Variants in ARHGEF16 observed in about 807,000 individuals in gnomAD.
The protein encoded by ARHGEF16 is Rho guanine nucleotide exchange factor 16, also known as Rho guanine exchange factor (GEF) 16.
Under a neutral mutation model 74.1 loss-of-function variants are expected in ARHGEF16, and 59 were observed. The observed-to-expected ratio is 0.80, with a 90% CI of 0.65 to 0.99. The LOEUF is 0.99. ARHGEF16 is among the 50% of genes least tolerant of loss of function. ARHGEF16 has a pLI of 0.00. For synonymous variants in ARHGEF16, 415 were observed against 412.6 expected, an observed-to-expected ratio of 1.01 and a Z score of -0.07; for missense variants, 948 against 986.6, an observed-to-expected ratio of 0.96 and a Z score of 0.52.
Position 3,467,241 on chromosome 1 carries a change from T to C in ARHGEF16, c.708T>C (p.Asp236=), listed in dbSNP as rs1041425885. ...TSQESDDDIL[D]ESSSPEGTQK... is the part of the protein sequence containing the mutation. ...AGGAGTCTGATGACGACATCCTCGA[T>C]GAGTCCTCCAGCCCCGAGGGAACCC... Residue 236 remains aspartate, a synonymous_variant, in exon 4 of 15, where the codon GAT becomes GAC. Coordinates refer to ENST00000378378, the MANE Select transcript of ARHGEF16 (RefSeq NM_014448.4). The C allele has an allele frequency of 4.3e-5, 66 of 1,550,404 alleles. No individual in the cohort carries two copies. The East Asian group carries it at 1.6e-3, about 37-fold the overall frequency.
At chr1:3,471,636 C>G in intron 6 of ARHGEF16, 1 of 1,191,478 alleles carries the variant, frequency 8.4e-7, no homozygotes, top group Non-Finnish European at 1.1e-6. Context: ...GTCCTCCGGT[C>G]CCCTCTGCCT....
At position 3,473,528 on chromosome 1, in the gene ARHGEF16, T is replaced by C. The variant is rs1318596554; in HGVS notation, c.1305+6T>C. Reference sequence around the variant, plus strand: ...GGCTGCCCCTCCTGATGGATGTAAGTCCACGGCCTGAGGGTGGGGCCGGGC... The same window carrying C: ...GGCTGCCCCTCCTGATGGATGTAAGCCCACGGCCTGAGGGTGGGGCCGGGC... On this transcript the variant is annotated splice_donor_region_variant and intron_variant, in intron 8 of 14. Transcript: ENST00000378378. 6.2e-7 allele frequency: 1 copy of C among 1,606,320 alleles called. No homozygotes were observed. The highest frequency in any genetic ancestry group is 1.7e-5 in the Admixed American group (1 of 60,016).
At chr1:3,472,283 C>T (rs945594607) in intron 6 of ARHGEF16, among the ~76,000 whole-genome samples, 6 of 152,244 alleles carry the variant, frequency 3.9e-5, no homozygotes, top group East Asian at 1.9e-4. Context: ...CCTTGGTGGC[C>T]GTGGCCGCCC....
In ARHGEF16 at chr1:3,473,483, C is replaced by T. The variant is rs765120332; in HGVS notation, c.1266C>T (p.Leu422=). The change falls in exon 8 of 15, where the codon CTC becomes CTT. Residue 422 remains leucine (L), a synonymous_variant. Coordinates refer to ENST00000378378, the MANE Select transcript of ARHGEF16 (RefSeq NM_014448.4). ...GGLPMLSFLI[L]PMQRVTRLPL... ...TGCCCATGCTCTCCTTCCTGATCCT[C>T]CCCATGCAGCGGGTGACCCGGCTGC... 6.2e-7 allele frequency: 1 copy of T among 1,612,004 alleles called. No individual in the cohort carries two copies. The highest frequency in any genetic ancestry group is 8.5e-7 in the Non-Finnish European group (1 of 1,180,012).
chr1:3,461,457 C>T (rs1639392607), intron 1 of ARHGEF16, among the ~76,000 whole-genome samples: 1 of 152,220 alleles, frequency 6.6e-6, no homozygotes, highest in Non-Finnish European at 1.5e-5. Context: ...GTCACTTGCT[C>T]ATTGACCACA....
chr1:3,459,398 G>A (rs1244767793), intron 1 of ARHGEF16, among the ~76,000 whole-genome samples: 2 of 152,152 alleles, frequency 1.3e-5, no homozygotes, highest in East Asian at 3.9e-4. Context: ...TCTACAGTGG[G>A]AATGCTCATC....
At chr1:3,472,004 ACT>A (rs964016577) in intron 6 of ARHGEF16, among the ~76,000 whole-genome samples, 4 of 151,776 alleles carry the variant, frequency 2.6e-5, no homozygotes, top group South Asian at 2.1e-4. Context: ...CTGTCAGGAC[ACT>A]CTCCCTGCAG....
In ARHGEF16 at chr1:3,463,171, G is replaced by C; in HGVS notation, c.87G>C (p.Gly29=). 2.0e-6 allele frequency: 3 copies of C among 1,522,948 alleles called. No homozygotes were observed. The highest frequency in any genetic ancestry group is 2.7e-6 in the Non-Finnish European group (3 of 1,129,854). The allele number at this position is 1,522,948 out of a possible 1,614,324, so 94.3% of individuals were successfully genotyped here. A position where few individuals can be genotyped will look rare whatever the true frequency, so the allele number is the denominator to read the frequency against. The change falls in exon 2 of 15, where the codon GGG becomes GGC. Residue 29 remains glycine (G), a synonymous_variant. Transcript: ENST00000378378. The part of the protein sequence containing the change: ...FHSELRLDAG[G]NPASGLPMVR... Reference sequence around the variant, plus strand: ...CGGAGCTCCGGCTCGATGCCGGGGGGAACCCAGCCTCCGGGCTCCCAATGG... The same window carrying C: ...CGGAGCTCCGGCTCGATGCCGGGGGCAACCCAGCCTCCGGGCTCCCAATGG...
intron 1 of ARHGEF16, among the ~76,000 whole-genome samples, chr1:3,462,080 G>A (rs2100734748): frequency 6.6e-6 from 1 of 152,178 alleles, no homozygotes; most frequent in African/African-American, 2.4e-5. Flanking sequence ...CTGCCAGGAG[G>A]GGCGGGCAGG....
chr1:3,473,914 GAGAGGGGCTC>G, intron 8 of ARHGEF16: 1 of 307,654 alleles, frequency 3.3e-6, no homozygotes, highest in Non-Finnish European at 6.2e-6. Flanking sequence ...TGTGGACGCA[GAGAGGGGCTC>G]AGAGAGGCTC....
intron 2 of ARHGEF16, among the ~76,000 whole-genome samples, chr1:3,464,480 C>T (rs1172880878): frequency 6.6e-6 from 1 of 152,186 alleles, no homozygotes; most frequent in East Asian, 1.9e-4. Context: ...GGTCTGGGCT[C>T]AGGCAGGGCT....
intron 10 of ARHGEF16, 107 bp from the exon 11 acceptor site, chr1:3,477,768 T>C (rs752602093): frequency 9.8e-5 from 104 of 1,058,044 alleles, no homozygotes; most frequent in Non-Finnish European, 1.3e-4. Flanking sequence ...CAGGAGTCAG[T>C]CCCACCTGGT....
At chr1:3,458,495 A>T (rs975439523) in intron 1 of ARHGEF16, among the ~76,000 whole-genome samples, 1 of 152,212 alleles carries the variant, frequency 6.6e-6, no homozygotes, top group African/African-American at 2.4e-5. Context: ...GAAAGAGGCC[A>T]CTGTAGAAAC....
intron 6 of ARHGEF16, among the ~76,000 whole-genome samples, chr1:3,471,279 G>T (rs1367607795): frequency 6.6e-6 from 1 of 152,076 alleles, no homozygotes; most frequent in Non-Finnish European, 1.5e-5. Flanking sequence ...GTGGGCTTGG[G>T]TGGCGCTGGG....
chr1:3,479,634 C>T, intron 13 of ARHGEF16, 44 bp downstream of exon 13: 1 of 1,597,060 alleles, frequency 6.3e-7, no homozygotes, highest in Non-Finnish European at 8.5e-7. Flanking sequence ...TCTGCCGTGG[C>T]TGGCACTTTG....
At chr1:3,469,012 G>A (rs752123083) in intron 5 of ARHGEF16, 76 bp downstream of exon 5, 13 of 1,513,368 alleles carry the variant, frequency 8.6e-6, no homozygotes, top group African/African-American at 4.2e-5. Flanking sequence ...CAGCAGCCAC[G>A]GTGGCACCAC....
chr1:3,473,733 TC>T, intron 8 of ARHGEF16: 1 of 812,736 alleles, frequency 1.2e-6, no homozygotes, highest in Non-Finnish European at 1.9e-6. Flanking sequence ...CGGGAACTGT[TC>T]CAGCCCTTGG....
chr1:3,477,654 C>G (rs899802456), intron 10 of ARHGEF16, among the ~76,000 whole-genome samples: 14 of 23,690 alleles, frequency 5.9e-4, no homozygotes, highest in African/African-American at 1.1e-3. Flanking sequence ...CGGGCAGGGT[C>G]TGGTCCGGCC....
Position 3,467,253 on chromosome 1 carries a change from C to G in ARHGEF16, c.720C>G (p.Ser240Arg). Residue 240 changes from serine (S) to arginine (R), a missense_variant, in exon 4 of 15, where the codon AGC becomes AGG. By Grantham distance (110) the Ser-to-Arg change is moderately radical. Coordinates refer to ENST00000378378, the MANE Select transcript of ARHGEF16 (RefSeq NM_014448.4). Reference sequence around the variant, plus strand: ...ACGACATCCTCGATGAGTCCTCCAGCCCCGAGGGAACCCAGAAGGTGGACG... The same window carrying G: ...ACGACATCCTCGATGAGTCCTCCAGGCCCGAGGGAACCCAGAAGGTGGACG... ...SDDDILDESS[S>R]PEGTQKVDAT... The G allele has an allele frequency of 6.4e-6, 10 of 1,550,536 alleles. No individual in the cohort carries two copies. The highest frequency in any genetic ancestry group is 8.7e-6 in the Non-Finnish European group (10 of 1,146,902).
Sources: gnomAD v4.1 joint callset for allele counts (sites outside exome capture counted in the v4.1 genomes callset) on GRCh38, gnomAD v4.1.1 for gene constraint, MANE v1.5 for transcripts, NCBI Gene and HGNC (gene_info 2026-07-23, HGNC 2026-07-21) for gene names.